CFAP44: variants seen among roughly 807,000 people sequenced by gnomAD.
CFAP44 encodes cilia- and flagella-associated protein 44.
Under a neutral mutation model 216.2 loss-of-function variants are expected in CFAP44, and 134 were observed. The observed-to-expected ratio is 0.62, with a 90% CI of 0.54 to 0.72. The LOEUF (loss-of-function observed/expected upper bound fraction) is 0.72. Ranked by LOEUF, CFAP44 falls within the 30% of genes least tolerant of loss-of-function variation. The probability of loss-of-function intolerance (pLI) is 0.00; values close to 1 mark genes in which losing one functional copy is unlikely to be tolerated. For missense variants in CFAP44, 2,035 were observed against 2,182.1 expected (o/e 0.93, Z 1.34); for synonymous variants, 700 against 727.6 (o/e 0.96, Z 0.61).
In CFAP44 at chr3:113,396,679, C is replaced by A. The variant is rs1454109541; in HGVS notation, c.1618G>T (p.Val540Phe). 33 of 1,614,054 alleles carry A rather than the reference C, an allele frequency of 2.0e-5. No individual in the cohort carries two copies. Among genetic ancestry groups the A allele is most frequent in the Non-Finnish European group, 2.6e-5 (31 of 1,179,978 alleles). Residue 540 changes from valine to phenylalanine, a missense_variant, in exon 14 of 35, where the codon GTT becomes TTT. By Grantham distance (50) the Val-to-Phe change is conservative. Around this residue, in one of 3 missense-constraint regions of CFAP44, gnomAD observed 1,883 missense variants for 2,023.7 expected, o/e 0.93. Coordinates refer to ENST00000393845, the MANE Select transcript of CFAP44 (RefSeq NM_001164496.2). Reference protein sequence around the residue: ...QIIVGFEDGVVRILELYDPKG... With the variant: ...QIIVGFEDGVFRILELYDPKG... The stretch of plus-strand genomic sequence containing the variant: ...GGATCATAAAGTTCAAGAATTCGAA[C>A]AACTCCATCTTCAAATCCTACAATA...
chr3:113,291,988 G>C (rs529045078), intron 34 of CFAP44, among the ~76,000 whole-genome samples: 1 of 152,258 alleles, frequency 6.6e-6, no homozygotes, highest in South Asian at 2.1e-4. Flanking sequence ...CTTTAAGCTA[G>C]CTATCAGTCA....
At chr3:113,302,100 G>T (rs1403215406) in intron 32 of CFAP44, among the ~76,000 whole-genome samples, 1 of 152,040 alleles carries the variant, frequency 6.6e-6, no homozygotes, top group South Asian at 2.1e-4. Context: ...ACATAATAGG[G>T]TTTCCTTCTT....
chr3:113,344,371 A>C, intron 23 of CFAP44, 145 bp downstream of exon 23: 1 of 697,542 alleles, frequency 1.4e-6, no homozygotes, highest in Non-Finnish European at 2.4e-6. Flanking sequence ...TTGATTATTT[A>C]CTCCAAAGAA....
chr3:113,386,214 CA>C (rs1449451517), intron 15 of CFAP44, among the ~76,000 whole-genome samples: 4 of 152,140 alleles, frequency 2.6e-5, no homozygotes, highest in African/African-American at 9.7e-5. Context: ...ATAAATAGAG[CA>C]ATCCCTGCTC....
chr3:113,404,123 T>C, intron 8 of CFAP44, 107 bp from the exon 9 acceptor site: 1 of 1,278,678 alleles, frequency 7.8e-7, no homozygotes, highest in Non-Finnish European at 1.0e-6. Flanking sequence ...CTTTATTGAT[T>C]ATAAAATTTT....
chr3:113,398,941 A>G (rs1233436843), intron 13 of CFAP44, among the ~76,000 whole-genome samples: 3 of 152,104 alleles, frequency 2.0e-5, no homozygotes, highest in African/African-American at 7.2e-5. Context: ...CAAGTATGGT[A>G]GAAGTGATAT....
intron 28 of CFAP44, among the ~76,000 whole-genome samples, chr3:113,309,932 G>A (rs1302482154): frequency 6.6e-6 from 1 of 152,180 alleles, no homozygotes; most frequent in African/African-American, 2.4e-5. Context: ...CAGGGAAGGG[G>A]CAGCCTAGCA....
chr3:113,333,359 G>C, intron 25 of CFAP44, 47 bp downstream of exon 25: 1 of 1,489,626 alleles, frequency 6.7e-7, no homozygotes, highest in Non-Finnish European at 8.9e-7. Flanking sequence ...ATTTAATTAA[G>C]AACCCAGGGT....
intron 22 of CFAP44, among the ~76,000 whole-genome samples, chr3:113,356,354 A>G (rs1345099695): frequency 6.6e-6 from 1 of 152,088 alleles, no homozygotes; most frequent in Non-Finnish European, 1.5e-5. Context: ...TACAAATTTT[A>G]GCAGGCTTTT....
chr3:113,345,403 ATGTG>A (rs1384885141), intron 22 of CFAP44, among the ~76,000 whole-genome samples: 2 of 152,106 alleles, frequency 1.3e-5, no homozygotes, highest in Non-Finnish European at 2.9e-5. Context: ...GTGTATATAT[ATGTG>A]TGTGTTTCCA....
intron 26 of CFAP44, among the ~76,000 whole-genome samples, chr3:113,328,383 T>C (rs1950206776): frequency 6.6e-6 from 1 of 151,366 alleles, no homozygotes; most frequent in African/African-American, 2.4e-5. Flanking sequence ...GGTCCAGACT[T>C]TAATCCATTA....
At chr3:113,425,940 T>C in intron 4 of CFAP44, 184 bp downstream of exon 4, 1 of 657,518 alleles carries the variant, frequency 1.5e-6, no homozygotes, top group South Asian at 2.3e-5. Flanking sequence ...ATCCCTGTCC[T>C]TGTTGTGTGA....
At chr3:113,344,775 G>A in intron 22 of CFAP44, 63 bp from the exon 23 acceptor site, 2 of 1,356,990 alleles carry the variant, frequency 1.5e-6, no homozygotes, top group Non-Finnish European at 1.9e-6. Flanking sequence ...TAATTACTAA[G>A]TAATAAAATA....
At chr3:113,408,146 G>A (rs950408845) in intron 7 of CFAP44, among the ~76,000 whole-genome samples, 1 of 152,168 alleles carries the variant, frequency 6.6e-6, no homozygotes, top group African/African-American at 2.4e-5. Flanking sequence ...AGGAAGTCAG[G>A]ATGGATAAAA....
Position 113,404,021 on chromosome 3 carries a change from C to G in CFAP44, c.1006-5G>C. The G allele has an allele frequency of 6.2e-7, 1 of 1,609,662 alleles. No individual in the cohort carries two copies. Among genetic ancestry groups the G allele is most frequent in the Non-Finnish European group, 8.5e-7 (1 of 1,177,534 alleles). On this transcript the variant is annotated splice_polypyrimidine_tract_variant and splice_region_variant and intron_variant, in intron 8 of 34. Transcript: ENST00000393845. Reference sequence around the variant, plus strand: ...CCATTCTGACCCTGAGAGCACCTGGCAGGTATGTGGAAAAAAGAAATGTGC... The same window carrying G: ...CCATTCTGACCCTGAGAGCACCTGGGAGGTATGTGGAAAAAAGAAATGTGC...
At chr3:113,306,142 T>C in intron 30 of CFAP44, 59 bp downstream of exon 30, 1 of 1,494,512 alleles carries the variant, frequency 6.7e-7, no homozygotes, top group Non-Finnish European at 8.9e-7. Flanking sequence ...AAGGCAATAT[T>C]ATAGCTAGGA....
chr3:113,414,421 C>A (rs766395566), intron 6 of CFAP44, among the ~76,000 whole-genome samples: 1 of 152,162 alleles, frequency 6.6e-6, no homozygotes, highest in Non-Finnish European at 1.5e-5. Context: ...TGAGAGAGGG[C>A]ATCCTTGTCT....
chr3:113,294,906 A>G, intron 33 of CFAP44, 85 bp from the exon 34 acceptor site: 1 of 1,409,852 alleles, frequency 7.1e-7, no homozygotes, highest in Non-Finnish European at 9.3e-7. Context: ...GGTCAAAATC[A>G]TCAGGCAAAT....
At chr3:113,348,957 G>C (rs561750519) in intron 22 of CFAP44, among the ~76,000 whole-genome samples, 16 of 152,274 alleles carry the variant, frequency 1.1e-4, no homozygotes, top group African/African-American at 3.9e-4. Flanking sequence ...GGAGATACCT[G>C]GTATCTTAGT....
Sources: gnomAD v4.1 joint callset for allele counts (sites outside exome capture counted in the v4.1 genomes callset) on GRCh38, gnomAD v4.1.1 for gene constraint, gnomAD v4.1.1 regional missense constraint, MANE v1.5 for transcripts, NCBI Gene and HGNC (gene_info 2026-07-23, HGNC 2026-07-21) for gene names.